GALK2: variants seen among roughly 807,000 people sequenced by gnomAD.
The protein encoded by GALK2 is galactokinase 2.
A neutral mutation model predicts 52.4 loss-of-function variants in GALK2; 36 were observed. The observed-to-expected ratio is 0.69, with a 90% CI of 0.53 to 0.91. GALK2 has a LOEUF of 0.91. Among genes scored for constraint, GALK2 ranks in the 40% least tolerant of loss-of-function variants. The pLI, the probability that GALK2 is intolerant of heterozygous loss-of-function variation, is 0.00. For missense variants in GALK2, 579 were observed against 559.1 expected (o/e 1.04, Z -0.36); for synonymous variants, 176 against 199.1 (o/e 0.88, Z 0.98).
chr15:49,164,079 A>G (rs1336597605), intron 1 of GALK2, among the ~76,000 whole-genome samples: 2 of 152,228 alleles, frequency 1.3e-5, no homozygotes, highest in African/African-American at 4.8e-5. Context: ...TTAAGGGACT[A>G]TTTATAGAGA....
At chr15:49,178,287 A>G (rs953022147) in intron 1 of GALK2, 2 of 139,664 alleles carry the variant, frequency 1.4e-5, no homozygotes, top group African/African-American at 5.2e-5. Context: ...CATGTATATC[A>G]TATATACATG....
At chr15:49,309,408 T>C (rs1939170969) in intron 8 of GALK2, among the ~76,000 whole-genome samples, 1 of 152,168 alleles carries the variant, frequency 6.6e-6, no homozygotes, top group Non-Finnish European at 1.5e-5. Context: ...ACTGGAATTA[T>C]TTTATTTTTT....
intron 9 of GALK2, among the ~76,000 whole-genome samples, chr15:49,325,968 T>C (rs1031419819): frequency 9.2e-5 from 14 of 152,184 alleles, no homozygotes; most frequent in Admixed American, 9.2e-4. Flanking sequence ...GGTTCAATTT[T>C]GAAAAACCAC....
intron 2 of GALK2, among the ~76,000 whole-genome samples, chr15:49,215,168 C>T (rs954731139): frequency 1.3e-5 from 2 of 151,950 alleles, no homozygotes; most frequent in Admixed American, 6.6e-5. Context: ...TATCCTTGAC[C>T]TTTGAGAGTT....
chr15:49,313,620 C>G (rs904950422), intron 8 of GALK2, among the ~76,000 whole-genome samples: 6 of 152,252 alleles, frequency 3.9e-5, no homozygotes, highest in Non-Finnish European at 8.8e-5. Context: ...TTTGTCTTAT[C>G]TGTGTAACTA....
At chr15:49,365,386 C>T (rs1000516076) in intron 3 of GALK2, 29 of 1,208,232 alleles carry the variant, frequency 2.4e-5, no homozygotes, top group African/African-American at 6.0e-5. Context: ...AGTATATATA[C>T]GAAGAACCAG....
chr15:49,360,301 T>G (rs1271517197), intron 3 of GALK2, among the ~76,000 whole-genome samples: 1 of 151,944 alleles, frequency 6.6e-6, no homozygotes, highest in Non-Finnish European at 1.5e-5. Flanking sequence ...TATAGTAACA[T>G]TGTACTCATT....
intron 3 of GALK2, 90 bp from the exon 4 acceptor site, chr15:49,235,761 T>G: frequency 1.2e-6 from 1 of 834,958 alleles, no homozygotes. Flanking sequence ...TCAGTATCGC[T>G]GTGTTGGCAC....
In GALK2 at chr15:49,367,639, GA is replaced by G. The variant is rs754428362; in HGVS notation, c.*104del. The G allele has an allele frequency of 1.1e-5, 17 of 1,524,262 alleles. 1 individual carries two copies. The highest frequency in any genetic ancestry group is 1.3e-5 in the Non-Finnish European group (15 of 1,146,426). 94.4% of individuals were successfully genotyped at this position (1,524,262 alleles called of 1,614,324 possible). On this transcript the variant is annotated 3_prime_UTR_variant, in exon 4 of 4. Transcript: ENST00000558399. ...AGAGGAAGAAAATAATCAAGACAAC[GA>G]TTACTTTTGTGTTTCTAAAAAACTG...
intron 3 of GALK2, among the ~76,000 whole-genome samples, chr15:49,357,617 G>C (rs1018445950): frequency 1.9e-4 from 28 of 150,214 alleles, no homozygotes; most frequent in Non-Finnish European, 1.3e-4. Flanking sequence ...ACCAAAAAGA[G>C]TCCAGGACCA....
chr15:49,228,458 G>A (rs1386799251), intron 3 of GALK2, among the ~76,000 whole-genome samples: 1 of 150,340 alleles, frequency 6.7e-6, no homozygotes, highest in Non-Finnish European at 1.5e-5. Context: ...TTTCAAAAGA[G>A]CTATCTTTAG....
intron 3 of GALK2, among the ~76,000 whole-genome samples, chr15:49,345,960 T>C (rs112474273): frequency 4.4e-4 from 67 of 152,166 alleles, no homozygotes; most frequent in African/African-American, 1.5e-3. Flanking sequence ...TTCGTACTTA[T>C]CTGCCAAAAG....
chr15:49,205,278 A>G (rs564162521), intron 2 of GALK2, among the ~76,000 whole-genome samples: 109 of 152,260 alleles, frequency 7.2e-4, no homozygotes, highest in Non-Finnish European at 1.2e-3. Context: ...TGGTAGTTCT[A>G]CTTTTAGTTC....
intron 3 of GALK2, among the ~76,000 whole-genome samples, chr15:49,346,124 T>C (rs1168399765): frequency 6.6e-6 from 1 of 151,974 alleles, no homozygotes. Context: ...CTTTACTGGC[T>C]GCTTGATAGA....
chr15:49,203,158 C>T (rs374040000), intron 2 of GALK2, among the ~76,000 whole-genome samples: 194 of 152,292 alleles, frequency 1.3e-3, no homozygotes, highest in African/African-American at 4.4e-3. Context: ...TCGAGCAATT[C>T]TCCTGCCTCG....
intron 3 of GALK2, among the ~76,000 whole-genome samples, chr15:49,362,752 G>A (rs1350401864): frequency 1.4e-5 from 2 of 145,798 alleles, no homozygotes; most frequent in African/African-American, 4.9e-5. Flanking sequence ...TTTTTAATAG[G>A]TTTAGGTCTT....
intron 5 of GALK2, among the ~76,000 whole-genome samples, chr15:49,271,034 T>G (rs2030488394): frequency 6.6e-6 from 1 of 152,114 alleles, no homozygotes; most frequent in African/African-American, 2.4e-5. Flanking sequence ...GGAAGGAACA[T>G]GCAATTCCAG....
At chr15:49,334,933 C>A (rs2039442181), downstream of GALK2, among the ~76,000 whole-genome samples, 2 of 152,334 alleles carry the variant, frequency 1.3e-5, no homozygotes, top group South Asian at 4.1e-4. Context: ...ATTACCATGA[C>A]TGACCACAAG....
At chr15:49,291,643 G>A (rs1196755730) in intron 7 of GALK2, among the ~76,000 whole-genome samples, 1 of 152,156 alleles carries the variant, frequency 6.6e-6, no homozygotes, top group Non-Finnish European at 1.5e-5. Flanking sequence ...GGGTTCCCAT[G>A]GGTGGTTACA....
Sources: gnomAD v4.1 joint callset for allele counts (sites outside exome capture counted in the v4.1 genomes callset) on GRCh38, gnomAD v4.1.1 for gene constraint, MANE v1.5 for transcripts, NCBI Gene and HGNC (gene_info 2026-07-23, HGNC 2026-07-21) for gene names.